Variants in KCNIP4 observed in about 807,000 individuals in gnomAD.
KCNIP4 encodes Kv channel-interacting protein 4.
In KCNIP4, 12 loss-of-function variants were observed where a neutral mutation model predicts 34.0. That is an observed-to-expected ratio of 0.35 (90% CI 0.23 to 0.57). The LOEUF (loss-of-function observed/expected upper bound fraction) is 0.57. Among genes scored for constraint, KCNIP4 ranks in the 20% least tolerant of loss-of-function variants. KCNIP4 has a pLI of 0.83. For missense variants in KCNIP4, 238 were observed against 311.7 expected, an observed-to-expected ratio of 0.76 and a Z score of 1.78; for synonymous variants, 124 against 102.2, an observed-to-expected ratio of 1.21 and a Z score of -1.29.
At chr4:21,622,992 A>G (rs1654776758) in intron 1 of KCNIP4, among the ~76,000 whole-genome samples, 1 of 152,214 alleles carries the variant, frequency 6.6e-6, no homozygotes, top group African/African-American at 2.4e-5. Flanking sequence ...AACATTCAAT[A>G]TGATGGAGCT....
intron 1 of KCNIP4, among the ~76,000 whole-genome samples, chr4:21,518,527 G>T (rs1261803094): frequency 1.3e-5 from 2 of 152,066 alleles, no homozygotes; most frequent in African/African-American, 4.8e-5. Flanking sequence ...GCCCCATTCA[G>T]CTCTCAACCA....
intron 1 of KCNIP4, among the ~76,000 whole-genome samples, chr4:21,014,972 T>G (rs1739373422): frequency 6.6e-6 from 1 of 152,210 alleles, no homozygotes; most frequent in South Asian, 2.1e-4. Context: ...ATGGCATTGA[T>G]GAACCTTGAA....
At chr4:21,714,654 TC>T (rs1262781085) in intron 1 of KCNIP4, among the ~76,000 whole-genome samples, 2 of 151,956 alleles carry the variant, frequency 1.3e-5, no homozygotes, top group African/African-American at 4.8e-5. Context: ...CTTTCAAACC[TC>T]TCAACTTCCT....
intron 1 of KCNIP4, among the ~76,000 whole-genome samples, chr4:21,216,780 C>G (rs1162681709): frequency 6.6e-6 from 1 of 151,970 alleles, no homozygotes; most frequent in Non-Finnish European, 1.5e-5. Context: ...TGTCCTAAAC[C>G]CTGAATAAAC....
chr4:21,103,487 A>G (rs1460122041), intron 1 of KCNIP4, among the ~76,000 whole-genome samples: 1 of 150,410 alleles, frequency 6.6e-6, no homozygotes, highest in Non-Finnish European at 1.5e-5. Flanking sequence ...ATTATTTTTC[A>G]TATCTAATAA....
chr4:20,748,729 A>G (rs1169652675), intron 5 of KCNIP4, among the ~76,000 whole-genome samples: 1 of 149,970 alleles, frequency 6.7e-6, no homozygotes, highest in East Asian at 2.0e-4. Context: ...AATGAGGTAT[A>G]CATTTCTCAC....
At chr4:21,105,580 C>T (rs1424200842) in intron 1 of KCNIP4, among the ~76,000 whole-genome samples, 1 of 151,640 alleles carries the variant, frequency 6.6e-6, no homozygotes, top group African/African-American at 2.4e-5. Context: ...AATTGAATAC[C>T]ATTTATTTCC....
intron 1 of KCNIP4, among the ~76,000 whole-genome samples, chr4:20,895,611 T>C (rs62295433): frequency 0.12 from 18,667 of 152,266 alleles, 1,234 homozygotes; most frequent in South Asian, 0.22. Context: ...CTTTTAACAA[T>C]GTATTTATAT....
chr4:20,837,405 G>C (rs1719172702), intron 3 of KCNIP4, among the ~76,000 whole-genome samples: 1 of 151,900 alleles, frequency 6.6e-6, no homozygotes, highest in African/African-American at 2.4e-5. Flanking sequence ...TGGAATAATT[G>C]CCAGTTACAC....
At chr4:21,493,661 A>G (rs1430699661) in intron 1 of KCNIP4, among the ~76,000 whole-genome samples, 1 of 152,178 alleles carries the variant, frequency 6.6e-6, no homozygotes, top group Non-Finnish European at 1.5e-5. Flanking sequence ...ACAACTTGGT[A>G]TCTTTGAGAA....
chr4:21,303,823 A>G, intron 1 of KCNIP4: 1 of 1,614,004 alleles, frequency 6.2e-7, no homozygotes, highest in Non-Finnish European at 8.5e-7. Context: ...AACCTGCTTC[A>G]ATCAGCCCAA....
At chr4:21,231,223 T>G (rs984121142) in intron 1 of KCNIP4, among the ~76,000 whole-genome samples, 1 of 152,198 alleles carries the variant, frequency 6.6e-6, no homozygotes, top group African/African-American at 2.4e-5. Flanking sequence ...GCCAAAATTC[T>G]CTTAAAGGGC....
chr4:21,314,159 G>C (rs59375987), intron 1 of KCNIP4, among the ~76,000 whole-genome samples: 7,992 of 152,202 alleles, frequency 0.053, 531 homozygotes, highest in East Asian at 0.16. Flanking sequence ...GCCGTGTTCT[G>C]TCTGCAATGT....
chr4:21,052,538 T>C (rs983183646), intron 1 of KCNIP4, among the ~76,000 whole-genome samples: 2 of 152,182 alleles, frequency 1.3e-5, no homozygotes, highest in Non-Finnish European at 2.9e-5. Flanking sequence ...GCACTTGTAA[T>C]GGCAGTCTTT....
intron 1 of KCNIP4, among the ~76,000 whole-genome samples, chr4:21,675,740 C>T (rs945413361): frequency 3.9e-5 from 6 of 152,080 alleles, no homozygotes; most frequent in South Asian, 2.1e-4. Context: ...GGTGTTGATA[C>T]GGACATATGT....
At chr4:21,252,380 C>T (rs565354919) in intron 1 of KCNIP4, among the ~76,000 whole-genome samples, 1 of 152,192 alleles carries the variant, frequency 6.6e-6, no homozygotes, top group Admixed American at 6.5e-5. Context: ...CCCGCCTCGG[C>T]CTCCCAAAGT....
intron 1 of KCNIP4, among the ~76,000 whole-genome samples, chr4:20,931,324 TAGTA>T (rs1426574122): frequency 2.0e-5 from 3 of 152,068 alleles, no homozygotes; most frequent in Non-Finnish European, 4.4e-5. Flanking sequence ...ATAAGCCAGA[TAGTA>T]AGAAAAATAG....
chr4:21,903,889 G>A (rs1727846916), intron 1 of KCNIP4, among the ~76,000 whole-genome samples: 1 of 151,924 alleles, frequency 6.6e-6, no homozygotes, highest in South Asian at 2.1e-4. Context: ...ATATTTCAAA[G>A]GCATTTTATT....
chr4:21,693,506 T>C (rs1405257234), intron 1 of KCNIP4, among the ~76,000 whole-genome samples: 1 of 152,054 alleles, frequency 6.6e-6, no homozygotes, highest in Non-Finnish European at 1.5e-5. Flanking sequence ...GAGGTTGCAG[T>C]GAGCTGAGAT....
Sources: gnomAD v4.1 joint callset for allele counts (sites outside exome capture counted in the v4.1 genomes callset) on GRCh38, gnomAD v4.1.1 for gene constraint, MANE v1.5 for transcripts, NCBI Gene and HGNC (gene_info 2026-07-23, HGNC 2026-07-21) for gene names.